NUMB: variants seen among roughly 807,000 people sequenced by gnomAD.
NUMB encodes NUMB endocytic adaptor protein, also known as protein numb homolog.
Under a neutral mutation model 59.7 loss-of-function variants are expected in NUMB, and 29 were observed. That is an observed-to-expected ratio of 0.49 (90% CI 0.36 to 0.66). The LOEUF is 0.66. NUMB is among the 30% of genes least tolerant of loss of function. The pLI, the probability that NUMB is intolerant of heterozygous loss-of-function variation, is 0.00. For missense variants in NUMB, 723 were observed against 822.0 expected (o/e 0.88, Z 1.47); for synonymous variants, 288 against 288.2 (o/e 1.00, Z 0.01).
chr14:73,338,205 T>G (rs1892449030), intron 4 of NUMB, among the ~76,000 whole-genome samples: 2 of 152,034 alleles, frequency 1.3e-5, no homozygotes, highest in African/African-American at 2.4e-5. Flanking sequence ...GAAGATCACT[T>G]GAGCTCAGGA....
intron 3 of NUMB, among the ~76,000 whole-genome samples, chr14:73,360,339 TGG>T (rs978270020): frequency 2.6e-5 from 4 of 152,154 alleles, no homozygotes; most frequent in African/African-American, 9.7e-5. Flanking sequence ...GTGGATCACC[TGG>T]GGTCAGGAGT....
intron 11 of NUMB, among the ~76,000 whole-genome samples, chr14:73,280,726 T>C (rs977683901): frequency 2.2e-5 from 3 of 136,956 alleles, no homozygotes; most frequent in Admixed American, 1.7e-4. Flanking sequence ...GGGGTCTCGC[T>C]CTTGTCACCC....
intron 6 of NUMB, among the ~76,000 whole-genome samples, chr14:73,305,047 G>A (rs1453515288): frequency 6.6e-6 from 1 of 152,188 alleles, no homozygotes; most frequent in East Asian, 1.9e-4. Context: ...GATTACAGGT[G>A]TGAGCTACCG....
At chr14:73,441,748 G>A (rs1215726615) in intron 1 of NUMB, among the ~76,000 whole-genome samples, 1 of 151,924 alleles carries the variant, frequency 6.6e-6, no homozygotes, top group Non-Finnish European at 1.5e-5. Flanking sequence ...GCTGGGCATG[G>A]TGGTGCAGTC....
At chr14:73,407,032 G>A (rs966436530) in intron 2 of NUMB, among the ~76,000 whole-genome samples, 2 of 151,956 alleles carry the variant, frequency 1.3e-5, no homozygotes, top group Non-Finnish European at 2.9e-5. Context: ...TAGTAGAGAC[G>A]GGGTTTCACT....
At chr14:73,322,982 C>T (rs1432888125) in intron 5 of NUMB, 148 bp downstream of exon 5, 9 of 601,110 alleles carry the variant, frequency 1.5e-5, no homozygotes, top group Non-Finnish European at 2.3e-5. Flanking sequence ...TGAGCCACCG[C>T]GCTTGGCTGA....
chr14:73,426,573 C>T (rs1340445714), intron 1 of NUMB, among the ~76,000 whole-genome samples: 1 of 152,000 alleles, frequency 6.6e-6, no homozygotes, highest in Non-Finnish European at 1.5e-5. Flanking sequence ...CAGGGCCGGG[C>T]GCGGTGGCTC....
chr14:73,322,675 T>C (rs560676891), intron 5 of NUMB: 1 of 152,352 alleles, frequency 6.6e-6, no homozygotes, highest in South Asian at 2.1e-4. Context: ...TTAATCCTAG[T>C]CTTAGAATAC....
intron 5 of NUMB, among the ~76,000 whole-genome samples, chr14:73,320,361 T>C (rs1891338748): frequency 6.6e-6 from 1 of 152,162 alleles, no homozygotes; most frequent in Non-Finnish European, 1.5e-5. Flanking sequence ...TTAAGTATGT[T>C]TAGAAAACAA....
intron 8 of NUMB, among the ~76,000 whole-genome samples, chr14:73,288,501 A>G (rs1889162254): frequency 3.3e-5 from 5 of 152,102 alleles, no homozygotes; most frequent in Admixed American, 2.6e-4. Flanking sequence ...CTGTGAGCTG[A>G]GATGGCGCCA....
intron 2 of NUMB, among the ~76,000 whole-genome samples, chr14:73,398,027 G>A (rs974842432): frequency 2.0e-5 from 3 of 152,096 alleles, no homozygotes; most frequent in Non-Finnish European, 4.4e-5. Context: ...ATTAACAGCT[G>A]CCCTAGAATC....
rs371095381 is a variant in NUMB, at chr14:73,339,279, T to C, written c.127-16075A>G. ...AATGTAGGTGATAGGGCTGACAGTA[T>C]TGAAAAGTACTAAACCAATGGTCTG... On this transcript the variant is annotated intron_variant, in intron 4 of 12. Transcript: ENST00000555238. 9.8e-4 allele frequency among the ~76,000 whole-genome samples: 149 copies of C among 152,312 alleles called. 2 individuals carry two copies. The South Asian group carries it at 0.025, about 25-fold the overall frequency.
At chr14:73,352,471 CACACACATATATATATATATATATAT>C (rs1566756023) in intron 4 of NUMB, among the ~76,000 whole-genome samples, 25 of 21,026 alleles carry the variant, frequency 1.2e-3, no homozygotes, top group African/African-American at 3.9e-3. Context: ...CACACACACA[CACACACATATATATATATATATATAT>C]ATATATATAT....
intron 1 of NUMB, among the ~76,000 whole-genome samples, chr14:73,442,434 C>T (rs1362086447): frequency 1.3e-5 from 2 of 152,022 alleles, no homozygotes; most frequent in African/African-American, 4.8e-5. Flanking sequence ...AATGAAAACA[C>T]ATGTCCACAC....
At chr14:73,382,912 G>A (rs1895320875) in intron 2 of NUMB, among the ~76,000 whole-genome samples, 1 of 152,226 alleles carries the variant, frequency 6.6e-6, no homozygotes, top group Non-Finnish European at 1.5e-5. Flanking sequence ...TTGGGAGGCT[G>A]AGGTGGGCAG....
At chr14:73,378,012 C>CACAT (rs1555376146) in intron 2 of NUMB, among the ~76,000 whole-genome samples, 4 of 122,268 alleles carry the variant, frequency 3.3e-5, no homozygotes, top group Non-Finnish European at 6.3e-5. Flanking sequence ...CACACACACA[C>CACAT]ACACACATAC....
intron 5 of NUMB, among the ~76,000 whole-genome samples, chr14:73,320,199 A>AC (rs1324442444): frequency 1.3e-5 from 2 of 152,152 alleles, no homozygotes; most frequent in African/African-American, 4.8e-5. Flanking sequence ...TACTCCAGTG[A>AC]CCCAAAACTT....
intron 2 of NUMB, among the ~76,000 whole-genome samples, chr14:73,371,912 G>A (rs1437644179): frequency 2.0e-5 from 3 of 151,926 alleles, no homozygotes; most frequent in Non-Finnish European, 4.4e-5. Flanking sequence ...CAGGTATTCT[G>A]TTACAGCAGC....
In NUMB at chr14:73,276,487, C is replaced by T; in HGVS notation, c.*91G>A. Reference sequence around the variant, plus strand: ...ACCTTTGGGATTAGTGAAAAGAGTACTAATCAGGAGACAAAGTCTGTTTTG... The same window carrying T: ...ACCTTTGGGATTAGTGAAAAGAGTATTAATCAGGAGACAAAGTCTGTTTTG... On this transcript the variant is annotated 3_prime_UTR_variant, in exon 13 of 13. Coordinates refer to ENST00000555238, the MANE Select transcript of NUMB (RefSeq NM_001005743.2). The T allele has an allele frequency of 3.1e-6, 3 of 958,600 alleles. No homozygotes were observed. The highest frequency in any genetic ancestry group is 4.7e-6 in the Non-Finnish European group (3 of 637,026). The allele number at this position is 958,600 out of a possible 1,614,324, so 59.4% of individuals were successfully genotyped here. A position where few individuals can be genotyped will look rare whatever the true frequency, so the allele number is the denominator to read the frequency against.
Sources: gnomAD v4.1 joint callset for allele counts (sites outside exome capture counted in the v4.1 genomes callset) on GRCh38, gnomAD v4.1.1 for gene constraint, MANE v1.5 for transcripts, NCBI Gene and HGNC (gene_info 2026-07-23, HGNC 2026-07-21) for gene names.